PRPF19: variants seen among roughly 807,000 people sequenced by gnomAD.
PRPF19 encodes pre-mRNA-processing factor 19.
PRPF19 carries 2 observed loss-of-function variants against 64.2 expected under a neutral mutation model. That is an observed-to-expected ratio of 0.03 (90% CI 0.01 to 0.10). The LOEUF is 0.10. Among genes scored for constraint, PRPF19 ranks in the 10% least tolerant of loss-of-function variants. The pLI, the probability that PRPF19 is intolerant of heterozygous loss-of-function variation, is 1.00. For missense variants in PRPF19, 314 were observed against 650.0 expected (o/e 0.48, Z 5.62); for synonymous variants, 226 against 251.6 (o/e 0.90, Z 0.96).
chr11:60,902,056 T>A lies in PRPF19; in HGVS notation c.525+347A>T, dbSNP rs1855988782. On this transcript the variant is annotated intron_variant, in intron 6 of 15. Transcript: ENST00000227524. This position sits in a 1 kb window ranked among gnomAD's most constrained non-coding sequence, Gnocchi z 5.0. ...AAAAAAACAAGAAAATATATAAAAGTAGTTTACTATCTGCAAAGAATCTCA... is the reference window on the plus strand; with the variant it reads ...AAAAAAACAAGAAAATATATAAAAGAAGTTTACTATCTGCAAAGAATCTCA... Among the ~76,000 whole-genome samples, 1 of 152,080 alleles carries A rather than the reference T, an allele frequency of 6.6e-6. No individual in the cohort carries two copies. Among genetic ancestry groups the A allele is most frequent in the Admixed American group, 6.5e-5 (1 of 15,270 alleles).
chr11:60,906,474 C>G lies in PRPF19; in HGVS notation c.-92G>C. On this transcript the variant is annotated 5_prime_UTR_variant, in exon 1 of 16. Transcript: ENST00000227524. ...GCCACTTCCGGTCCCCCGCTGCTGC[C>G]GGGACTGCTCCGCGGCGAGCTGGGA... 7.3e-7 allele frequency: 1 copy of G among 1,376,202 alleles called. No homozygotes were observed. Among genetic ancestry groups the G allele is most frequent in the Non-Finnish European group, 9.9e-7 (1 of 1,006,444 alleles). 85.2% of individuals were successfully genotyped at this position (1,376,202 alleles called of 1,614,324 possible).
chr11:60,894,060 G>A (rs1160518310), intron 15 of PRPF19, among the ~76,000 whole-genome samples: 1 of 152,214 alleles, frequency 6.6e-6, no homozygotes, highest in Non-Finnish European at 1.5e-5. Flanking sequence ...TCAGTGAGTT[G>A]TCATCTTTTT....
At chr11:60,901,947 A>T (rs1401682745) in intron 6 of PRPF19, among the ~76,000 whole-genome samples, 3 of 152,240 alleles carry the variant, frequency 2.0e-5, no homozygotes, top group Non-Finnish European at 4.4e-5. Flanking sequence ...TGGACTTGCA[A>T]TCAGGAAGCC....
intron 1 of PRPF19, 34 bp from the exon 2 acceptor site, chr11:60,903,895 G>T: frequency 6.3e-7 from 1 of 1,599,114 alleles, no homozygotes; most frequent in Non-Finnish European, 8.5e-7. Context: ...AGCTTGGAGT[G>T]AAGGCAATCT....
rs1855856172 is a variant in PRPF19, at chr11:60,891,276, A to G, written c.1418-13T>C. 6.2e-7 allele frequency: 1 copy of G among 1,602,658 alleles called. No homozygotes were observed. Among genetic ancestry groups the G allele is most frequent in the Non-Finnish European group, 8.5e-7 (1 of 1,170,438 alleles). On this transcript the variant is annotated splice_polypyrimidine_tract_variant and intron_variant, in intron 15 of 15. Transcript: ENST00000227524. ...AGGCCGCTATGCTCTGAGGAGAAAG[A>G]TAAGAGGCAACTGTGAGAAGGCTTT...
At chr11:60,905,954 G>A (rs1034351956) in intron 1 of PRPF19, among the ~76,000 whole-genome samples, 4 of 152,238 alleles carry the variant, frequency 2.6e-5, no homozygotes, top group African/African-American at 9.6e-5. Context: ...CCACTGCAAT[G>A]CTCTCGATTT....
At chr11:60,900,464 A>C in intron 10 of PRPF19, 118 bp downstream of exon 10, 2 of 811,570 alleles carry the variant, frequency 2.5e-6, no homozygotes, top group Non-Finnish European at 3.9e-6. Context: ...CCAAGTGCCC[A>C]CTCAGGAGTC....
chr11:60,899,224 C>A lies in PRPF19; in HGVS notation c.909G>T (p.Arg303=). Residue 303 remains arginine, a synonymous_variant, in exon 11 of 16, where the codon CGG becomes CGT. Transcript: ENST00000227524. ...GGCCTGTCACAGCACTCTCATGGGC[C>A]CGAACCACCTGTACACAAGAGGCAT... ...VPNASCVQVV[R]AHESAVTGLS... The A allele has an allele frequency of 1.2e-6, 2 of 1,614,076 alleles. No individual in the cohort carries two copies. Among genetic ancestry groups the A allele is most frequent in the Non-Finnish European group, 8.5e-7 (1 of 1,179,974 alleles).
chr11:60,891,068 G>GGCCCC lies in PRPF19; in HGVS notation c.*97_*98insGGGGC. ...TGATGTGAATGTCCCACCCCACAGAGCCCCCTCCCCCCATAGATTCCCCCC... is the reference window on the plus strand; with the variant it reads ...TGATGTGAATGTCCCACCCCACAGAGGCCCCCCCCCTCCCCCCATAGATTCCCCCC... On this transcript the variant is annotated 3_prime_UTR_variant, in exon 16 of 16. Coordinates refer to ENST00000227524, the MANE Select transcript of PRPF19 (RefSeq NM_014502.5). 4.6e-6 allele frequency: 1 copy of GGCCCC among 215,910 alleles called. No individual in the cohort carries two copies. Among genetic ancestry groups the GGCCCC allele is most frequent in the Non-Finnish European group, 8.7e-6 (1 of 114,786 alleles). 13.4% of individuals were successfully genotyped at this position (215,910 alleles called of 1,614,324 possible). A position where few individuals can be genotyped will look rare whatever the true frequency, so the allele number is the denominator to read the frequency against.
At position 60,893,922 on chromosome 11, in the gene PRPF19, A is replaced by C. The variant is rs74335634; in HGVS notation, c.1418-2659T>G. Among the ~76,000 whole-genome samples the C allele has an allele frequency of 5.7e-4, 87 of 152,390 alleles. 2 individuals are homozygous for C. The East Asian group carries it at 0.013, about 23-fold the overall frequency. On this transcript the variant is annotated intron_variant, in intron 15 of 15. Coordinates refer to ENST00000227524, the MANE Select transcript of PRPF19 (RefSeq NM_014502.5). ...CGACAGAGCAAGACTCCATCTCAAA[A>C]AAAAATGTTATGTTTACACTATACT...
chr11:60,891,265 TGAG>T lies in PRPF19; in HGVS notation c.1418-5_1418-3del. 1.2e-6 allele frequency: 2 copies of T among 1,612,028 alleles called. No individual in the cohort carries two copies. Among genetic ancestry groups the T allele is most frequent in the Non-Finnish European group, 1.7e-6 (2 of 1,178,678 alleles). On this transcript the variant is annotated splice_polypyrimidine_tract_variant and splice_region_variant and intron_variant, in intron 15 of 15. Transcript: ENST00000227524. The stretch of plus-strand genomic sequence containing the variant: ...CCCCTGTGGTCAGGCCGCTATGCTC[TGAG>T]GAGAAAGATAAGAGGCAACTGTGAG...
In PRPF19 at chr11:60,906,516, T is replaced by C; in HGVS notation, c.-134A>G. On this transcript the variant is annotated 5_prime_UTR_variant, in exon 1 of 16. Coordinates refer to ENST00000227524, the MANE Select transcript of PRPF19 (RefSeq NM_014502.5). ...GAGCTGGGAGCCGCCAGCCGAGCGA[T>C]GCTAGCGTAGCGCTTCACGTGGGAA... 2.1e-6 allele frequency: 2 copies of C among 956,312 alleles called. No homozygotes were observed. The highest frequency in any genetic ancestry group is 3.1e-6 in the Non-Finnish European group (2 of 649,966). The allele number at this position is 956,312 out of a possible 1,614,324, so 59.2% of individuals were successfully genotyped here. A position where few individuals can be genotyped will look rare whatever the true frequency, so the allele number is the denominator to read the frequency against.
chr11:60,901,397 G>A (rs1001582295), intron 7 of PRPF19, 28 bp from the exon 8 acceptor site: 6 of 1,614,094 alleles, frequency 3.7e-6, no homozygotes, highest in Non-Finnish European at 5.1e-6. Flanking sequence ...CCCCAAAGAA[G>A]AGCAGCAATG....
chr11:60,894,069 T>G (rs953046601), intron 15 of PRPF19, among the ~76,000 whole-genome samples: 1 of 152,264 alleles, frequency 6.6e-6, no homozygotes, highest in Non-Finnish European at 1.5e-5. Flanking sequence ...TGTCATCTTT[T>G]TCCAAGACCC....
chr11:60,896,520 T>C lies in PRPF19; in HGVS notation c.1417+1326A>G, dbSNP rs144657543. Among the ~76,000 whole-genome samples the C allele has an allele frequency of 1.6e-3, 238 of 152,320 alleles. No homozygotes were observed. In the Middle Eastern group the frequency reaches 0.02, roughly 13 times the overall value. Reference sequence around the variant, plus strand: ...GGTTACCCCCATGCTGTTCTCATGATAGTGAGTTCTCACGAGATCTGATGG... The same window carrying C: ...GGTTACCCCCATGCTGTTCTCATGACAGTGAGTTCTCACGAGATCTGATGG... On this transcript the variant is annotated intron_variant, in intron 15 of 15. Transcript: ENST00000227524.
Position 60,902,791 on chromosome 11 carries a change from C to A in PRPF19, c.337G>T (p.Ala113Ser). 2 of 1,613,956 alleles carry A rather than the reference C, an allele frequency of 1.2e-6. No homozygotes were observed. The highest frequency in any genetic ancestry group is 1.7e-6 in the Non-Finnish European group (2 of 1,179,970). Reference protein sequence around the residue: ...LSHALYQHDAACRVIARLTKE... With the variant: ...LSHALYQHDASCRVIARLTKE... ...GTGAGACGGGCAATGACACGGCAGG[C>A]GGCATCGTGCTGGTACAGAGCGTGT... Residue 113 changes from alanine to serine, a missense_variant, in exon 4 of 16, where the codon GCC (alanine) becomes TCC (serine). By Grantham distance (99) the Ala-to-Ser change is moderately conservative. Coordinates refer to ENST00000227524, the MANE Select transcript of PRPF19 (RefSeq NM_014502.5). The surrounding 1 kb of genome is among the most constrained non-coding windows in gnomAD (Gnocchi z 5.0).
chr11:60,895,773 G>T (rs145396155), intron 15 of PRPF19, among the ~76,000 whole-genome samples: 3 of 151,916 alleles, frequency 2.0e-5, no homozygotes, highest in Non-Finnish European at 4.4e-5. Flanking sequence ...GCCATAATAC[G>T]GTTATTAACT....
rs141429469 is a variant in PRPF19 at position 60,903,204 on chromosome 11, C to T, written c.246+255G>A. Among the ~76,000 whole-genome samples the T allele has an allele frequency of 3.8e-3, 581 of 152,224 alleles. 2 individuals carry two copies. The highest frequency in any genetic ancestry group is 6.9e-3 in the Non-Finnish European group (471 of 68,010). ...ACTGCTGCTGCTGCTATTTATTGAT[C>T]GCCCTCGTTGTGTCAGGCACTGTGC... On this transcript the variant is annotated intron_variant, in intron 3 of 15. Coordinates refer to ENST00000227524, the MANE Select transcript of PRPF19 (RefSeq NM_014502.5).
rs1856035546 is a variant in PRPF19, at chr11:60,905,448, A to G, written c.19+916T>C. On this transcript the variant is annotated intron_variant, in intron 1 of 15. Coordinates refer to ENST00000227524, the MANE Select transcript of PRPF19 (RefSeq NM_014502.5). The stretch of plus-strand genomic sequence containing the variant: ...CTTCCCCCTCTTTGGATCAATGTAC[A>G]GGTTCTGAGAAGAGAAGGAAGTGAA... 2.0e-5 allele frequency: 3 copies of G among 152,254 alleles called. No individual in the cohort carries two copies. The South Asian group carries it at 6.2e-4, about 32-fold the overall frequency. 9.4% of individuals were successfully genotyped at this position (152,254 alleles called of 1,614,324 possible). A position where few individuals can be genotyped will look rare whatever the true frequency, so the allele number is the denominator to read the frequency against.
Sources: gnomAD v4.1 joint callset for allele counts (sites outside exome capture counted in the v4.1 genomes callset) on GRCh38, gnomAD v4.1.1 for gene constraint, Gnocchi (gnomAD v3.1) non-coding constraint, MANE v1.5 for transcripts, NCBI Gene and HGNC (gene_info 2026-07-23, HGNC 2026-07-21) for gene names.